Variants in PTP4A2 observed in about 807,000 individuals in gnomAD.
PTP4A2 encodes the protein protein tyrosine phosphatase type IVA 2.
PTP4A2 carries 2 observed loss-of-function variants against 22.9 expected under a neutral mutation model. That is an observed-to-expected ratio of 0.09 (90% CI 0.04 to 0.27). PTP4A2 has a LOEUF of 0.27. PTP4A2 is among the 10% of genes least tolerant of loss of function. The pLI is 1.00. For synonymous variants in PTP4A2, 68 were observed against 69.1 expected, an observed-to-expected ratio of 0.98 and a Z score of 0.08; for missense variants, 103 against 205.1, an observed-to-expected ratio of 0.50 and a Z score of 3.04.
At chr1:31,927,844 G>T (rs1484843989) in intron 1 of PTP4A2, among the ~76,000 whole-genome samples, 2 of 152,160 alleles carry the variant, frequency 1.3e-5, no homozygotes, top group African/African-American at 4.8e-5. Context: ...AACCATCAAA[G>T]TAGTAGGGAA....
Position 31,908,821 on chromosome 1 carries a change from C to A in PTP4A2, c.*31G>T, listed in dbSNP as rs780447763. 4 of 1,508,618 alleles carry A rather than the reference C, an allele frequency of 2.7e-6. No individual in the cohort carries two copies. The South Asian group carries it at 4.6e-5, about 17-fold the overall frequency. The allele number at this position is 1,508,618 out of a possible 1,614,324, so 93.5% of individuals were successfully genotyped here. ...TACCAAGAGTTCCCTCTAAATGGCA[C>A]AATCAAGTCAGCCTTCGTTTACATT... is the stretch of plus-strand genomic sequence containing the variant. On this transcript the variant is annotated 3_prime_UTR_variant, in exon 6 of 6. Coordinates refer to ENST00000647444, the MANE Select transcript of PTP4A2 (RefSeq NM_080391.4).
Position 31,906,724 on chromosome 1 carries a change from G to C in PTP4A2, c.*2128C>G, listed in dbSNP as rs536451311. 1.3e-5 allele frequency: 2 copies of C among 148,892 alleles called. No homozygotes were observed. The highest frequency in any genetic ancestry group is 2.0e-4 in the East Asian group (1 of 5,026). The allele number at this position is 148,892 out of a possible 1,614,324, so 9.2% of individuals were successfully genotyped here. On this transcript the variant is annotated 3_prime_UTR_variant, in exon 6 of 6. Coordinates refer to ENST00000647444, the MANE Select transcript of PTP4A2 (RefSeq NM_080391.4). ...ACTCAGGCAGGCACTGATACTGATG[G>C]ACACTGCGCGTGCACACACACACAC...
chr1:31,930,149 T>G (rs973438228), intron 1 of PTP4A2, among the ~76,000 whole-genome samples: 5 of 152,038 alleles, frequency 3.3e-5, no homozygotes, highest in Admixed American at 2.0e-4. Context: ...CCATCCTGGC[T>G]AACACGGTGA....
At chr1:31,926,628 C>A (rs1317665961) in intron 1 of PTP4A2, among the ~76,000 whole-genome samples, 1 of 152,126 alleles carries the variant, frequency 6.6e-6, no homozygotes, top group Non-Finnish European at 1.5e-5. Context: ...AAGAGCTAGG[C>A]ATTTTCCTCA....
chr1:31,923,113 A>G (rs1237251241), intron 1 of PTP4A2, among the ~76,000 whole-genome samples: 6 of 151,632 alleles, frequency 4.0e-5, no homozygotes, highest in African/African-American at 9.7e-5. Flanking sequence ...GGGTTTCACC[A>G]AAGGCCAGGC....
At chr1:31,910,268 T>A (rs1409666239) in intron 4 of PTP4A2, 156 bp from the exon 5 acceptor site, 3 of 560,792 alleles carry the variant, frequency 5.3e-6, no homozygotes, top group African/African-American at 1.9e-5. Flanking sequence ...ATATATCTCA[T>A]CATCATTAAT....
chr1:31,918,151 A>G (rs1651952848), intron 2 of PTP4A2, among the ~76,000 whole-genome samples: 1 of 151,878 alleles, frequency 6.6e-6, no homozygotes, highest in Non-Finnish European at 1.5e-5. Flanking sequence ...AGGGAGGCTG[A>G]GGCAGGAGAA....
intron 1 of PTP4A2, among the ~76,000 whole-genome samples, chr1:31,929,004 G>A (rs1016364439): frequency 6.6e-6 from 1 of 152,144 alleles, no homozygotes; most frequent in Non-Finnish European, 1.5e-5. Context: ...AAAATGAAAA[G>A]GGAGTGGTTT....
rs1557858864 is a variant in PTP4A2, at chr1:31,908,137, ATATTATATATAT to A, written c.*703_*714del. On this transcript the variant is annotated 3_prime_UTR_variant, in exon 6 of 6. Transcript: ENST00000647444. ...AAATATATATATATATATATATATT[ATATTATATATAT>A]ATATATATATATATATATATATATA... is the stretch of plus-strand genomic sequence containing the variant. The A allele has an allele frequency of 2.5e-3, 1 of 394 alleles. No individual in the cohort carries two copies. The highest frequency in any genetic ancestry group is 0.013 in the African/African-American group (1 of 80). The allele number at this position is 394 out of a possible 1,614,324, so 0.0% of individuals were successfully genotyped here. A position where few individuals can be genotyped will look rare whatever the true frequency, so the allele number is the denominator to read the frequency against.
At position 31,922,586 on chromosome 1, in the gene PTP4A2, G is replaced by GTTTGTTTC. The variant is rs1386060733; in HGVS notation, c.-593-2929_-593-2928insGAAACAAA. ...AGCTTAAGAACAAAAACCCAGGTTT[G>GTTTGTTTC]TTTCTTTCTTTCTTTCTTTCTTTCT... On this transcript the variant is annotated intron_variant, in intron 1 of 5. Coordinates refer to ENST00000647444, the MANE Select transcript of PTP4A2 (RefSeq NM_080391.4). Among the ~76,000 whole-genome samples, 11 of 146,114 alleles carry GTTTGTTTC rather than the reference G, an allele frequency of 7.5e-5. No individual in the cohort carries two copies. In the East Asian group the frequency reaches 1.4e-3, roughly 19 times the overall value.
At chr1:31,922,924 A>G (rs1652257189) in intron 1 of PTP4A2, among the ~76,000 whole-genome samples, 1 of 151,184 alleles carries the variant, frequency 6.6e-6, no homozygotes. Context: ...GCCCGGCCCA[A>G]ATACTTTTTA....
intron 3 of PTP4A2, chr1:31,913,028 T>C: frequency 2.2e-6 from 1 of 455,042 alleles, no homozygotes; most frequent in Non-Finnish European, 4.4e-6. Flanking sequence ...ATGCACCTAG[T>C]TAAGAAACAA....
At chr1:31,936,682 A>G (rs1349640490) in intron 1 of PTP4A2, among the ~76,000 whole-genome samples, 1 of 152,254 alleles carries the variant, frequency 6.6e-6, no homozygotes, top group African/African-American at 2.4e-5. Context: ...AAAAATGCCA[A>G]GATCAGAATA....
intron 3 of PTP4A2, chr1:31,914,081 CTGAT>C (rs1366905398): frequency 2.7e-5 from 10 of 376,870 alleles, no homozygotes; most frequent in South Asian, 1.8e-4. Context: ...ACATTATTGA[CTGAT>C]TGACTGACAA....
intron 1 of PTP4A2, among the ~76,000 whole-genome samples, chr1:31,923,631 G>A (rs1042922571): frequency 1.3e-5 from 2 of 151,918 alleles, no homozygotes; most frequent in African/African-American, 4.8e-5. Context: ...ACCGCGCCCA[G>A]CCTGCCTCAA....
chr1:31,909,539 G>A (rs1651420617), intron 5 of PTP4A2, among the ~76,000 whole-genome samples: 1 of 152,074 alleles, frequency 6.6e-6, no homozygotes, highest in African/African-American at 2.4e-5. Flanking sequence ...GGGCGTGGTG[G>A]TGCGTGCCTG....
intron 1 of PTP4A2, among the ~76,000 whole-genome samples, chr1:31,936,273 T>A (rs950892655): frequency 1.3e-5 from 2 of 151,938 alleles, no homozygotes. Flanking sequence ...ACCCCATCTC[T>A]ACTAAAAATA....
chr1:31,926,600 A>G (rs1346826008), intron 1 of PTP4A2, among the ~76,000 whole-genome samples: 1 of 152,184 alleles, frequency 6.6e-6, no homozygotes, highest in African/African-American at 2.4e-5. Flanking sequence ...TGTCAACAGT[A>G]AAGAATTTAT....
chr1:31,909,053 T>C (rs1651393050), intron 5 of PTP4A2, 93 bp from the exon 6 acceptor site: 1 of 889,942 alleles, frequency 1.1e-6, no homozygotes, highest in Non-Finnish European at 1.8e-6. Context: ...CCTTTCTAAT[T>C]CCACACAGCT....
Sources: gnomAD v4.1 joint callset for allele counts (sites outside exome capture counted in the v4.1 genomes callset) on GRCh38, gnomAD v4.1.1 for gene constraint, MANE v1.5 for transcripts, NCBI Gene and HGNC (gene_info 2026-07-23, HGNC 2026-07-21) for gene names.